CHRNA7: variants seen among roughly 807,000 people sequenced by gnomAD.
CHRNA7 encodes neuronal acetylcholine receptor subunit alpha-7.
In CHRNA7, 17 loss-of-function variants were observed where a neutral mutation model predicts 48.0. The observed-to-expected ratio is 0.35, with a 90% CI of 0.24 to 0.53. The LOEUF is 0.53. Ranked by LOEUF, CHRNA7 falls within the 20% of genes least tolerant of loss-of-function variation. CHRNA7 has a pLI of 0.92. For missense variants in CHRNA7, 155 were observed against 577.7 expected (o/e 0.27, Z 7.50); for synonymous variants, 75 against 242.3 (o/e 0.31, Z 6.41).
intron 2 of CHRNA7, among the ~76,000 whole-genome samples, chr15:32,076,131 A>G (rs1040300350): frequency 3.9e-5 from 6 of 151,960 alleles, no homozygotes; most frequent in South Asian, 4.1e-4. Flanking sequence ...TGAAAAGAGT[A>G]TTTTCTGCTT....
intron 4 of CHRNA7, among the ~76,000 whole-genome samples, chr15:32,141,631 C>A (rs2051380740): frequency 6.6e-6 from 1 of 152,176 alleles, no homozygotes; most frequent in Admixed American, 6.5e-5. Context: ...TTGAAGAGGT[C>A]CTTCACATCC....
At position 32,030,663 on chromosome 15, in the gene CHRNA7, C is replaced by G; in HGVS notation, c.55+14C>G. ...CGCTCCTGCACGGTAAAGCCACTGC[C>G]TCCCCGCCCTCCACTCCTCCGTGGG... On this transcript the variant is annotated intron_variant, in intron 1 of 9. Transcript: ENST00000306901. 6.4e-7 allele frequency: 1 copy of G among 1,568,880 alleles called. No homozygotes were observed. The highest frequency in any genetic ancestry group is 2.4e-5 in the East Asian group (1 of 41,720).
intron 2 of CHRNA7, among the ~76,000 whole-genome samples, chr15:32,045,482 A>G (rs2049524186): frequency 6.6e-6 from 1 of 152,088 alleles, no homozygotes; most frequent in Non-Finnish European, 1.5e-5. Flanking sequence ...TGGTTCTTGC[A>G]TATACATTCT....
chr15:32,091,771 C>G (rs550053180), intron 2 of CHRNA7, among the ~76,000 whole-genome samples: 3 of 152,202 alleles, frequency 2.0e-5, no homozygotes, highest in Non-Finnish European at 4.4e-5. Context: ...CTGCACTCTG[C>G]TATGGTGTCA....
rs377569262 is a variant in CHRNA7, at chr15:32,040,978, T to C, written c.195+9941T>C. 7.2e-5 allele frequency among the ~76,000 whole-genome samples: 11 copies of C among 152,166 alleles called. No homozygotes were observed. The East Asian group carries it at 1.7e-3, about 24-fold the overall frequency. On this transcript the variant is annotated intron_variant, in intron 2 of 9. Transcript: ENST00000306901. ...TCTCTCTCAACACTAATTATTTTAC[T>C]CTACTCTTTTTGCTTGCATGATTTC...
chr15:32,095,880 A>G (rs1396762866), intron 2 of CHRNA7, among the ~76,000 whole-genome samples: 1 of 152,218 alleles, frequency 6.6e-6, no homozygotes. Flanking sequence ...CATGGTTCAA[A>G]ACACAAGTGT....
chr15:32,048,966 G>A (rs1420994960), intron 2 of CHRNA7, among the ~76,000 whole-genome samples: 1 of 148,480 alleles, frequency 6.7e-6, no homozygotes, highest in Non-Finnish European at 1.5e-5. Context: ...CAGTTTCCAC[G>A]TAGTTGAGCG....
chr15:32,051,064 G>C (rs901583496), intron 2 of CHRNA7, among the ~76,000 whole-genome samples: 1 of 151,868 alleles, frequency 6.6e-6, no homozygotes, highest in Non-Finnish European at 1.5e-5. Context: ...CTACTTGGGG[G>C]TGCCTCCCAG....
chr15:32,147,040 A>ACTGGATAT (rs1214645811), intron 4 of CHRNA7, among the ~76,000 whole-genome samples: 3 of 152,234 alleles, frequency 2.0e-5, no homozygotes, highest in African/African-American at 7.2e-5. Context: ...GAGTCCAGAA[A>ACTGGATAT]CTGGATATCT....
Position 32,058,519 on chromosome 15 carries a change from TG to T in CHRNA7, c.195+27483del, listed in dbSNP as rs2049824377. 2.6e-5 allele frequency among the ~76,000 whole-genome samples: 4 copies of T among 152,308 alleles called. No homozygotes were observed. In the South Asian group the frequency reaches 8.3e-4, roughly 32 times the overall value. On this transcript the variant is annotated intron_variant, in intron 2 of 9. Transcript: ENST00000306901. ...CACTGGCTTCCTGGATTTTTCCAGG[TG>T]TCACTTGGAAAGTGTACTGAATTAG...
At chr15:32,135,473 T>C (rs916069083) in intron 4 of CHRNA7, among the ~76,000 whole-genome samples, 4 of 152,176 alleles carry the variant, frequency 2.6e-5, no homozygotes, top group Non-Finnish European at 5.9e-5. Flanking sequence ...GTCAAGGCAC[T>C]ACCAATTAAA....
chr15:32,053,801 A>G (rs2049735924), intron 2 of CHRNA7, among the ~76,000 whole-genome samples: 1 of 152,242 alleles, frequency 6.6e-6, no homozygotes, highest in Non-Finnish European at 1.5e-5. Flanking sequence ...AAATTAGTGC[A>G]GAAGAATGGG....
intron 4 of CHRNA7, among the ~76,000 whole-genome samples, chr15:32,140,371 G>T (rs573085241): frequency 2.0e-5 from 3 of 152,210 alleles, no homozygotes; most frequent in East Asian, 1.9e-4. Flanking sequence ...GAATAGTGCC[G>T]CAATAAATAT....
In CHRNA7 at chr15:32,168,772, C is replaced by CGGCG; in HGVS notation, c.*314_*315insGGCG. 6 of 32,686 alleles carry CGGCG rather than the reference C, an allele frequency of 1.8e-4. No homozygotes were observed. Among genetic ancestry groups the CGGCG allele is most frequent in the South Asian group, 8.5e-4 (2 of 2,340 alleles). 2.0% of individuals were successfully genotyped at this position (32,686 alleles called of 1,614,324 possible). A position where few individuals can be genotyped will look rare whatever the true frequency, so the allele number is the denominator to read the frequency against. On this transcript the variant is annotated 3_prime_UTR_variant, in exon 10 of 10. Coordinates refer to ENST00000306901, the MANE Select transcript of CHRNA7 (RefSeq NM_000746.6). ...CTTCGGAGAGCTCCCCATGGCTCCT[C>CGGCG]ACCACCGAGACAGTTGGTTTTGCAT...
chr15:32,107,692 G>A (rs902279041), intron 3 of CHRNA7, among the ~76,000 whole-genome samples: 1 of 152,152 alleles, frequency 6.6e-6, no homozygotes, highest in African/African-American at 2.4e-5. Context: ...AGCTGTTGTC[G>A]TAACTTCTCG....
rs2052391535 is a variant in CHRNA7 at position 32,170,452 on chromosome 15, G to GTCTT, written c.*1996_*1999dup. 6.6e-6 allele frequency: 1 copy of GTCTT among 150,640 alleles called. No individual in the cohort carries two copies. The highest frequency in any genetic ancestry group is 2.5e-5 in the African/African-American group (1 of 40,292). 9.3% of individuals were successfully genotyped at this position (150,640 alleles called of 1,614,324 possible). On this transcript the variant is annotated 3_prime_UTR_variant, in exon 10 of 10. Transcript: ENST00000306901. ...TTTTTTTTTTTTTTTCTGTTACAGT[G>GTCTT]TCTTTAGAAACAAGTAGAAGTGTTT...
At chr15:32,064,847 T>A (rs1343668299) in intron 2 of CHRNA7, among the ~76,000 whole-genome samples, 1 of 152,160 alleles carries the variant, frequency 6.6e-6, no homozygotes, top group Non-Finnish European at 1.5e-5. Context: ...TTTCCTCTTC[T>A]GAGAATAAAA....
intron 3 of CHRNA7, among the ~76,000 whole-genome samples, chr15:32,104,505 G>A (rs1342873201): frequency 3.9e-5 from 6 of 152,028 alleles, no homozygotes; most frequent in East Asian, 1.9e-4. Context: ...CATGTAACCC[G>A]CTTTGTGTTC....
intron 3 of CHRNA7, among the ~76,000 whole-genome samples, chr15:32,104,238 C>T (rs1595450369): frequency 6.6e-6 from 1 of 152,000 alleles, no homozygotes; most frequent in African/African-American, 2.4e-5. Flanking sequence ...TCACTGTCCA[C>T]TTGTTGGGTG....
Sources: allele counts gnomAD v4.1 joint callset (sites outside exome capture counted in the v4.1 genomes callset), GRCh38; gene constraint gnomAD v4.1.1; transcripts MANE v1.5; gene names NCBI Gene and HGNC (gene_info 2026-07-23, HGNC 2026-07-21).